LCA5L: variants seen among roughly 807,000 people sequenced by gnomAD.
LCA5L encodes the protein lebercilin LCA5 like.
In LCA5L, 35 loss-of-function variants were observed where a neutral mutation model predicts 45.4. That is an observed-to-expected ratio of 0.77 (90% confidence interval 0.59 to 1.02). The LOEUF (loss-of-function observed/expected upper bound fraction) is 1.02, where lower values mean the gene tolerates loss of function less well. Among genes scored for constraint, LCA5L ranks in the 50% least tolerant of loss-of-function variants. The pLI is 0.00. For synonymous variants in LCA5L, 233 were observed against 264.7 expected (o/e 0.88, Z 1.16); for missense variants, 668 against 761.6 (o/e 0.88, Z 1.45).
Position 39,420,855 on chromosome 21 carries a change from ATATAT to A in LCA5L, c.838-17_838-13del. Reference sequence around the variant, plus strand: ...TGTTTTTCCAAGCTCTGAAAACAGTATATATTATAACTATTCTGCAACCAAGTTAG... The same window carrying A: ...TGTTTTTCCAAGCTCTGAAAACAGTATATAACTATTCTGCAACCAAGTTAG... On this transcript the variant is annotated splice_polypyrimidine_tract_variant and intron_variant, in intron 6 of 10. Coordinates refer to ENST00000288350, the MANE Select transcript of LCA5L (RefSeq NM_152505.4). 1 of 1,601,998 alleles carries A rather than the reference ATATAT, an allele frequency of 6.2e-7. No homozygotes were observed.
At chr21:39,435,021 T>G (rs188402699) in intron 3 of LCA5L, among the ~76,000 whole-genome samples, 3 of 152,338 alleles carry the variant, frequency 2.0e-5, no homozygotes, top group Admixed American at 2.0e-4. Flanking sequence ...AGCATTTATA[T>G]TTTGAACAGT....
At chr21:39,437,782 G>C (rs2076426681) in intron 2 of LCA5L, among the ~76,000 whole-genome samples, 1 of 152,082 alleles carries the variant, frequency 6.6e-6, no homozygotes, top group Non-Finnish European at 1.5e-5. Context: ...AAACGACTTA[G>C]AAAATAGATG....
chr21:39,418,539 C>T (rs1321470128), intron 7 of LCA5L, among the ~76,000 whole-genome samples: 3 of 151,962 alleles, frequency 2.0e-5, no homozygotes, highest in East Asian at 3.9e-4. Context: ...CTCACTCTGT[C>T]ACCCAGGGTG....
At chr21:39,432,218 AGCTTTTAGGTAAAATCG>A (rs1027371861) in intron 3 of LCA5L, among the ~76,000 whole-genome samples, 1 of 152,216 alleles carries the variant, frequency 6.6e-6, no homozygotes, top group Non-Finnish European at 1.5e-5. Context: ...CACTAAAATC[AGCTTTTAGGTAAAATCG>A]GCTTTTAGGT....
At chr21:39,433,507 C>A (rs2075969313) in intron 3 of LCA5L, among the ~76,000 whole-genome samples, 2 of 147,670 alleles carry the variant, frequency 1.4e-5, no homozygotes, top group Admixed American at 1.4e-4. Context: ...TCCTTTCTTT[C>A]TTCTAGAAGT....
Position 39,432,549 on chromosome 21 carries a change from C to G in LCA5L, c.-92+2871G>C, listed in dbSNP as rs561618669. Reference sequence around the variant, plus strand: ...GTATCAAAGAAAATTAGTAAGAGTACCATTTGATAAGATTAGAAATGTGTA... The same window carrying G: ...GTATCAAAGAAAATTAGTAAGAGTAGCATTTGATAAGATTAGAAATGTGTA... On this transcript the variant is annotated intron_variant, in intron 3 of 10. Coordinates refer to ENST00000288350, the MANE Select transcript of LCA5L (RefSeq NM_152505.4). Among the ~76,000 whole-genome samples the G allele has an allele frequency of 5.9e-5, 9 of 152,152 alleles. No homozygotes were observed. In the South Asian group the frequency reaches 1.7e-3, roughly 28 times the overall value.
intron 5 of LCA5L, among the ~76,000 whole-genome samples, chr21:39,425,035 G>C (rs1232703026): frequency 6.6e-6 from 1 of 152,210 alleles, no homozygotes; most frequent in Non-Finnish European, 1.5e-5. Context: ...TGCATTTGTA[G>C]GATATAGAGG....
intron 2 of LCA5L, among the ~76,000 whole-genome samples, chr21:39,441,359 G>A (rs931048813): frequency 6.6e-6 from 1 of 152,068 alleles, no homozygotes; most frequent in African/African-American, 2.4e-5. Context: ...AGTATACTGT[G>A]GAAGAAAAAA....
rs1186457992 is a variant in LCA5L at position 39,428,303 on chromosome 21, T to C, written c.191A>G (p.Gln64Arg). ...SQCSCGSLSS[Q>R]YDYSEDFLCD... ...GAGAAAGTCTTCTGAATAATCATAC[T>C]GAGAACTTAAACTTCCACAGGAGCA... is the stretch of plus-strand genomic sequence containing the variant. The change falls in exon 5 of 11, where the codon CAG (glutamine) becomes CGG (arginine). Residue 64 changes from glutamine (Q) to arginine (R), a missense_variant. By Grantham distance (43) the Gln-to-Arg change is conservative. Transcript: ENST00000288350. 6.2e-7 allele frequency: 1 copy of C among 1,612,762 alleles called. No individual in the cohort carries two copies.
intron 10 of LCA5L, among the ~76,000 whole-genome samples, chr21:39,407,414 A>G (rs1258907160): frequency 2.6e-5 from 4 of 152,220 alleles, no homozygotes; most frequent in African/African-American, 9.6e-5. Context: ...ATTTGGCAGT[A>G]TCAAGATTTT....
At chr21:39,432,457 T>C (rs1221543646) in intron 3 of LCA5L, among the ~76,000 whole-genome samples, 1 of 151,550 alleles carries the variant, frequency 6.6e-6, no homozygotes, top group Non-Finnish European at 1.5e-5. Context: ...TGAGCGTACA[T>C]ATTTAACACA....
At chr21:39,428,598 A>ATATATATATATATATATATATAT (rs1242243392) in intron 4 of LCA5L, 95 bp from the exon 5 acceptor site, 1 of 32,034 alleles carries the variant, frequency 3.1e-5, no homozygotes, top group Non-Finnish European at 5.8e-5. Flanking sequence ...ATATATATAT[A>ATATATATATATATATATATATAT]TTTTTTTTTT....
At position 39,414,868 on chromosome 21, in the gene LCA5L, T is replaced by C. The variant is rs999954152; in HGVS notation, c.976-3066A>G. Among the ~76,000 whole-genome samples the C allele has an allele frequency of 2.8e-4, 42 of 152,068 alleles. 1 individual carries two copies. Among genetic ancestry groups the C allele is most frequent in the African/African-American group, 5.1e-4 (21 of 41,396 alleles). The stretch of plus-strand genomic sequence containing the variant: ...CCCTTTTTATCTTCCAGAAATTCTT[T>C]GTTAGATCTGGTAGTTTTGGTATTC... On this transcript the variant is annotated intron_variant, in intron 7 of 10. Coordinates refer to ENST00000288350, the MANE Select transcript of LCA5L (RefSeq NM_152505.4).
At chr21:39,439,651 A>G (rs1241256275) in intron 2 of LCA5L, 2 of 152,186 alleles carry the variant, frequency 1.3e-5, no homozygotes, top group African/African-American at 4.8e-5. Context: ...AGCTGGTGGG[A>G]TTGTTTGCTT....
At chr21:39,414,742 C>CTG (rs66478742) in intron 7 of LCA5L, among the ~76,000 whole-genome samples, 90 of 99,226 alleles carry the variant, frequency 9.1e-4, no homozygotes, top group Middle Eastern at 6.1e-3. Flanking sequence ...CTCTCTCTCT[C>CTG]TGTGTGTGTG....
chr21:39,428,338 G>T lies in LCA5L; in HGVS notation c.156C>A (p.Ser52Arg). 1 of 1,613,458 alleles carries T rather than the reference G, an allele frequency of 6.2e-7. No individual in the cohort carries two copies. The highest frequency in any genetic ancestry group is 1.1e-5 in the South Asian group (1 of 91,058). The change falls in exon 5 of 11, where the codon AGC (serine) becomes AGA (arginine). Residue 52 changes from serine (S) to arginine (R), a missense_variant. Physicochemically the swap from Ser to Arg is moderately radical, Grantham distance 110. Coordinates refer to ENST00000288350, the MANE Select transcript of LCA5L (RefSeq NM_152505.4). ...AACTTCCACAGGAGCACTGAGATCT[G>T]CTATAATCAACACTCTTATTGGAAG... ...SNASNKSVDYSRSQCSCGSLS... is the reference protein window; with the variant it reads ...SNASNKSVDYRRSQCSCGSLS...
intron 5 of LCA5L, chr21:39,427,843 T>C: frequency 5.9e-6 from 1 of 170,252 alleles, no homozygotes; most frequent in South Asian, 1.8e-4. Context: ...TCAGCTGAGA[T>C]GAAAGGCAAG....
At chr21:39,419,219 T>C (rs1183813964) in intron 7 of LCA5L, among the ~76,000 whole-genome samples, 1 of 152,024 alleles carries the variant, frequency 6.6e-6, no homozygotes, top group African/African-American at 2.4e-5. Context: ...AATTGCCTAA[T>C]TGTCACAAAA....
intron 3 of LCA5L, among the ~76,000 whole-genome samples, chr21:39,433,714 G>A (rs1287377144): frequency 6.7e-6 from 1 of 149,926 alleles, no homozygotes; most frequent in Non-Finnish European, 1.5e-5. Context: ...CTGTTCTACT[G>A]ATCTGTTTCT....
Sources: gnomAD v4.1 joint callset for allele counts (sites outside exome capture counted in the v4.1 genomes callset) on GRCh38, gnomAD v4.1.1 for gene constraint, MANE v1.5 for transcripts, NCBI Gene and HGNC (gene_info 2026-07-23, HGNC 2026-07-21) for gene names.